YTHDF1: variants seen among roughly 807,000 people sequenced by gnomAD.
YTHDF1 encodes YTH N6-methyladenosine RNA binding protein F1, also known as YTH domain-containing family protein 1.
In YTHDF1, 16 loss-of-function variants were observed where a neutral mutation model predicts 49.1. The observed-to-expected ratio is 0.33, with a 90% CI of 0.22 to 0.49. The LOEUF is 0.49. Ranked by LOEUF, YTHDF1 falls within the 20% of genes least tolerant of loss-of-function variation. YTHDF1 has a pLI of 0.99. For missense variants in YTHDF1, 621 were observed against 744.3 expected, an observed-to-expected ratio of 0.83 and a Z score of 1.93; for synonymous variants, 313 against 290.1, an observed-to-expected ratio of 1.08 and a Z score of -0.80.
chr20:63,202,226 G>A (rs2066520738), intron 4 of YTHDF1, 61 bp downstream of exon 4: 1 of 1,549,558 alleles, frequency 6.5e-7, no homozygotes, highest in East Asian at 2.3e-5. Flanking sequence ...CGGGCCACCT[G>A]GTCTAAGTAC....
At chr20:63,213,581 A>G (rs2066586497) in intron 3 of YTHDF1, among the ~76,000 whole-genome samples, 1 of 152,196 alleles carries the variant, frequency 6.6e-6, no homozygotes. Flanking sequence ...CCACTGCGTC[A>G]AAGGCAAGAC....
chr20:63,196,945 C>T (rs1470997201), intron 4 of YTHDF1, among the ~76,000 whole-genome samples: 1 of 152,186 alleles, frequency 6.6e-6, no homozygotes, highest in African/African-American at 2.4e-5. Context: ...ATTCTCCCCA[C>T]CCCCTCTACC....
At chr20:63,211,069 C>T (rs2066571690) in intron 3 of YTHDF1, among the ~76,000 whole-genome samples, 1 of 151,624 alleles carries the variant, frequency 6.6e-6, no homozygotes, top group Non-Finnish European at 1.5e-5. Flanking sequence ...CAGGCATTCT[C>T]CTAAGACTTT....
intron 3 of YTHDF1, among the ~76,000 whole-genome samples, chr20:63,206,397 T>C (rs1169100098): frequency 1.3e-5 from 2 of 152,182 alleles, no homozygotes; most frequent in African/African-American, 2.4e-5. Flanking sequence ...ACATGAGGCA[T>C]GTAACATTCC....
intron 4 of YTHDF1, among the ~76,000 whole-genome samples, chr20:63,199,155 G>A (rs2066506013): frequency 6.6e-6 from 1 of 152,218 alleles, no homozygotes; most frequent in East Asian, 1.9e-4. Flanking sequence ...AGAACCTTGA[G>A]AAAACCGCCC....
At chr20:63,199,582 A>AT (rs572225609) in intron 4 of YTHDF1, among the ~76,000 whole-genome samples, 2 of 151,992 alleles carry the variant, frequency 1.3e-5, no homozygotes, top group Non-Finnish European at 2.9e-5. Context: ...GGGAGAAAGC[A>AT]TTAGACACCC....
rs866717683 is a variant in YTHDF1, at chr20:63,203,185, C to T, written c.755G>A (p.Ser252Asn). 2 of 1,613,930 alleles carry T rather than the reference C, an allele frequency of 1.2e-6. No homozygotes were observed. The highest frequency in any genetic ancestry group is 1.3e-5 in the African/African-American group (1 of 75,058). ...CAGCCCACCCCCCATGACAGGCCCG[C>T]TCTTTGTTTTCATTTTAGGCTGTGG... is the stretch of plus-strand genomic sequence containing the variant. ...AKPQPKMKTK[S>N]GPVMGGGLPP... The change falls in exon 4 of 5, where the codon AGC (serine) becomes AAC (asparagine). Residue 252 changes from serine to asparagine, a missense_variant. By Grantham distance (46) the Ser-to-Asn change is conservative (BLOSUM62 1). This residue lies in a region of YTHDF1 where 470 missense variants were observed against 495.8 expected (regional missense o/e 0.95). Coordinates refer to ENST00000370339, the MANE Select transcript of YTHDF1 (RefSeq NM_017798.4). This position sits in a 1 kb window ranked among gnomAD's most constrained non-coding sequence, Gnocchi z 4.4.
At position 63,202,900 on chromosome 20, in the gene YTHDF1, T is replaced by A; in HGVS notation, c.1040A>T (p.Asp347Val). ...CTGGACGTTTCCAGGAGAGTTGCTA[T>A]CGCTGCCAGCCCCTCCGCTCTGCCC... ...AFGQSGGAGSDSNSPGNVQPN... is the reference protein window; with the variant it reads ...AFGQSGGAGSVSNSPGNVQPN... Residue 347 changes from aspartate (D) to valine (V), a missense_variant, in exon 4 of 5, where the codon GAT becomes GTT. By Grantham distance (152) the Asp-to-Val change is radical. Coordinates refer to ENST00000370339, the MANE Select transcript of YTHDF1 (RefSeq NM_017798.4). The A allele has an allele frequency of 6.2e-7, 1 of 1,613,970 alleles. No homozygotes were observed. Among genetic ancestry groups the A allele is most frequent in the Middle Eastern group, 1.7e-4 (1 of 6,060 alleles).
At chr20:63,215,087 C>T (rs2066594795) in intron 2 of YTHDF1, among the ~76,000 whole-genome samples, 1 of 152,200 alleles carries the variant, frequency 6.6e-6, no homozygotes, top group African/African-American at 2.4e-5. Context: ...TCCAAGTAAA[C>T]GTGAAGTGTC....
Position 63,203,453 on chromosome 20 carries a change from C to T in YTHDF1, c.487G>A (p.Val163Ile). The change falls in exon 4 of 5, where the codon GTT becomes ATT. Residue 163 changes from valine (V) to isoleucine (I), a missense_variant. By Grantham distance (29) the Val-to-Ile change is conservative. Coordinates refer to ENST00000370339, the MANE Select transcript of YTHDF1 (RefSeq NM_017798.4). The surrounding 1 kb of genome is among the most constrained non-coding windows in gnomAD (Gnocchi z 4.4). ...CTGTGAAAGCCTGGCTGCCCATCAA[C>T]CACCGTGCCACCCAGGGAGCTCGGG... Reference protein sequence around the residue: ...YPPSSLGGTVVDGQPGFHSDT... With the variant: ...YPPSSLGGTVIDGQPGFHSDT... 1.2e-6 allele frequency: 2 copies of T among 1,612,878 alleles called. No individual in the cohort carries two copies. The highest frequency in any genetic ancestry group is 2.2e-5 in the East Asian group (1 of 44,870).
chr20:63,205,117 G>A (rs2066539647), intron 3 of YTHDF1, among the ~76,000 whole-genome samples: 1 of 152,054 alleles, frequency 6.6e-6, no homozygotes, highest in South Asian at 2.1e-4. Context: ...GTAACCAGAA[G>A]GTTCTACATA....
In YTHDF1 at chr20:63,195,609, C is replaced by G. The variant is rs1016352611; in HGVS notation, c.*1099G>C. The G allele has an allele frequency of 6.6e-6, 1 of 152,568 alleles. No individual in the cohort carries two copies. The highest frequency in any genetic ancestry group is 1.9e-4 in the East Asian group (1 of 5,194). The allele number at this position is 152,568 out of a possible 1,614,324, so 9.5% of individuals were successfully genotyped here. A position where few individuals can be genotyped will look rare whatever the true frequency, so the allele number is the denominator to read the frequency against. ...TTTGGAGCAAGTAGTTTTCAGAAAG[C>G]GTCTGCTCTCTAGGACGGTAAGGAT... On this transcript the variant is annotated 3_prime_UTR_variant, in exon 5 of 5. Coordinates refer to ENST00000370339, the MANE Select transcript of YTHDF1 (RefSeq NM_017798.4).
Position 63,202,837 on chromosome 20 carries a change from A to C in YTHDF1, c.1103T>G (p.Leu368Arg). Residue 368 changes from leucine to arginine, a missense_variant, in exon 4 of 5, where the codon CTT (leucine) becomes CGT (arginine). By Grantham distance (102) the Leu-to-Arg change is moderately radical. This residue lies in a region of YTHDF1 where 470 missense variants were observed against 495.8 expected (regional missense o/e 0.95). Transcript: ENST00000370339. ...GCTGTGAGCAGCCTTCAGTTTTTCA[A>C]GGACGGGGTGGGATTCGACGCTGGG... The part of the protein sequence containing the change: ...SAPSVESHPV[L>R]EKLKAAHSYN... 1 of 1,613,934 alleles carries C rather than the reference A, an allele frequency of 6.2e-7. No individual in the cohort carries two copies. Among genetic ancestry groups the C allele is most frequent in the Non-Finnish European group, 8.5e-7 (1 of 1,180,046 alleles).
chr20:63,207,394 G>A lies in YTHDF1; in HGVS notation c.133-3587C>T, dbSNP rs190890649. ...TGAGGCAGGAGAATGGCGTGAACCC[G>A]GGAGGCGGAGCTTGCAGTGAGCCGA... On this transcript the variant is annotated intron_variant, in intron 3 of 4. Coordinates refer to ENST00000370339, the MANE Select transcript of YTHDF1 (RefSeq NM_017798.4). Among the ~76,000 whole-genome samples the A allele has an allele frequency of 2.9e-3, 447 of 152,112 alleles. 1 individual carries two copies. Among genetic ancestry groups the A allele is most frequent in the African/African-American group, 0.01 (423 of 41,482 alleles).
At position 63,202,934 on chromosome 20, in the gene YTHDF1, C is replaced by T. The variant is rs199664951; in HGVS notation, c.1006G>A (p.Ala336Thr). The T allele has an allele frequency of 4.1e-5, 66 of 1,614,056 alleles. No homozygotes were observed. In the South Asian group the frequency reaches 6.5e-4, roughly 16 times the overall value. The change falls in exon 4 of 5, where the codon GCG becomes ACG. Residue 336 changes from alanine to threonine, a missense_variant. Physicochemically the swap from Ala to Thr is moderately conservative, Grantham distance 58 (BLOSUM62 0). This residue lies in a region of YTHDF1 where 470 missense variants were observed against 495.8 expected (regional missense o/e 0.95). Transcript: ENST00000370339. ...GCCCCTCCGCTCTGCCCAAACGCCG[C>T]GTTTCTGTTGCGTGGGGCAACCCAG... The part of the protein sequence containing the change: ...TRWVAPRNRN[A>T]AFGQSGGAGS...
chr20:63,216,110 C>G lies in YTHDF1; in HGVS notation c.-218G>C, dbSNP rs2066601620. 1 of 187,012 alleles carries G rather than the reference C, an allele frequency of 5.3e-6. No individual in the cohort carries two copies. The allele number at this position is 187,012 out of a possible 1,614,324, so 11.6% of individuals were successfully genotyped here. ...GGACGCACTGAGGAGGCGTCGACTC[C>G]AATGGCGGCGGCGGCGGCGACAGCA... is the stretch of plus-strand genomic sequence containing the variant. On this transcript the variant is annotated 5_prime_UTR_variant, in exon 1 of 5. Coordinates refer to ENST00000370339, the MANE Select transcript of YTHDF1 (RefSeq NM_017798.4).
At chr20:63,215,346 G>A (rs1032301887) in intron 2 of YTHDF1, among the ~76,000 whole-genome samples, 2 of 152,162 alleles carry the variant, frequency 1.3e-5, no homozygotes, top group African/African-American at 4.8e-5. Context: ...ATGATCATGC[G>A]GTGGGGAGAG....
At chr20:63,215,234 C>G (rs1322034322) in intron 2 of YTHDF1, among the ~76,000 whole-genome samples, 4 of 152,198 alleles carry the variant, frequency 2.6e-5, no homozygotes, top group African/African-American at 9.7e-5. Context: ...TGGACTGCCC[C>G]TCTCCTAGAG....
intron 4 of YTHDF1, among the ~76,000 whole-genome samples, chr20:63,198,474 T>TG (rs61050551): frequency 0.024 from 3,693 of 152,222 alleles, 117 homozygotes; most frequent in African/African-American, 0.07. Context: ...GAGGTACTGC[T>TG]GTTCCTAAAA....
Sources: allele counts gnomAD v4.1 joint callset (sites outside exome capture counted in the v4.1 genomes callset), GRCh38; gene constraint gnomAD v4.1.1; regional missense constraint gnomAD v4.1.1; non-coding constraint Gnocchi (gnomAD v3.1); transcripts MANE v1.5; gene names NCBI Gene and HGNC (gene_info 2026-07-23, HGNC 2026-07-21).